Variants in PTPRG observed in about 807,000 individuals in gnomAD.
PTPRG encodes receptor-type tyrosine-protein phosphatase gamma.
In PTPRG, 102 loss-of-function variants were observed where a neutral mutation model predicts 165.3. That is an observed-to-expected ratio of 0.62 (90% CI 0.53 to 0.73). The LOEUF is 0.73. PTPRG is among the 30% of genes least tolerant of loss of function. The probability of loss-of-function intolerance (pLI) is 0.00; values close to 1 mark genes in which losing one functional copy is unlikely to be tolerated. For missense variants in PTPRG, 1,866 were observed against 1,861.4 expected (o/e 1.00, Z -0.05); for synonymous variants, 675 against 669.5 (o/e 1.01, Z -0.13).
chr3:61,719,194 T>C (rs570960808), intron 1 of PTPRG, among the ~76,000 whole-genome samples: 1 of 152,308 alleles, frequency 6.6e-6, no homozygotes, highest in East Asian at 1.9e-4. Flanking sequence ...AGAATGGCAA[T>C]TGGATATGAA....
chr3:62,091,093 G>A (rs1701912112), intron 5 of PTPRG, among the ~76,000 whole-genome samples: 2 of 152,160 alleles, frequency 1.3e-5, no homozygotes, highest in African/African-American at 4.8e-5. Context: ...AACGACTAGG[G>A]TTAAAAAATG....
chr3:61,569,199 C>G (rs913988792), intron 1 of PTPRG, among the ~76,000 whole-genome samples: 2 of 152,130 alleles, frequency 1.3e-5, no homozygotes, highest in Non-Finnish European at 2.9e-5. Flanking sequence ...TATTTGTTTT[C>G]TAAACTAGGT....
At chr3:61,993,424 G>T (rs2040945556) in intron 3 of PTPRG, among the ~76,000 whole-genome samples, 1 of 152,004 alleles carries the variant, frequency 6.6e-6, no homozygotes, top group African/African-American at 2.4e-5. Context: ...GCTCCATGTT[G>T]GTCAGGCTGG....
In PTPRG at chr3:61,789,708, G is replaced by T. The variant is rs1413053959; in HGVS notation, c.190+40726G>T. 4.6e-5 allele frequency among the ~76,000 whole-genome samples: 7 copies of T among 152,286 alleles called. No homozygotes were observed. In the East Asian group the frequency reaches 1.2e-3, roughly 25 times the overall value. On this transcript the variant is annotated intron_variant, in intron 2 of 29. Transcript: ENST00000474889. ...TTAAGTAAGTATTTTATTTGAAAAG[G>T]ATGAAGAGTTCTGAAACCCTAAGTG...
At chr3:61,743,396 G>A (rs886748442) in intron 1 of PTPRG, among the ~76,000 whole-genome samples, 9 of 152,124 alleles carry the variant, frequency 5.9e-5, no homozygotes, top group Admixed American at 3.9e-4. Flanking sequence ...AGATTTTCCT[G>A]TATGATGGGA....
chr3:61,960,004 C>A (rs901737947), intron 2 of PTPRG, among the ~76,000 whole-genome samples: 1 of 152,158 alleles, frequency 6.6e-6, no homozygotes, highest in African/African-American at 2.4e-5. Flanking sequence ...ATGCCCTTCC[C>A]CTCATCCTTA....
At chr3:61,647,700 A>G (rs555820019) in intron 1 of PTPRG, among the ~76,000 whole-genome samples, 35 of 143,644 alleles carry the variant, frequency 2.4e-4, no homozygotes, top group African/African-American at 8.5e-4. Flanking sequence ...GCTGAGGCAG[A>G]AGAATGGTGT....
chr3:62,114,521 C>G (rs1702791345), intron 5 of PTPRG, among the ~76,000 whole-genome samples: 1 of 152,080 alleles, frequency 6.6e-6, no homozygotes, highest in Admixed American at 6.6e-5. Context: ...TATTCTTTCT[C>G]TTTCCTACAT....
chr3:61,994,061 T>C (rs1392482047), intron 3 of PTPRG, among the ~76,000 whole-genome samples: 1 of 152,248 alleles, frequency 6.6e-6, no homozygotes, highest in African/African-American at 2.4e-5. Context: ...TCTCTCTATT[T>C]CTTCCTGAGG....
chr3:61,988,357 T>C (rs954209952), intron 2 of PTPRG, among the ~76,000 whole-genome samples: 1 of 152,168 alleles, frequency 6.6e-6, no homozygotes, highest in Non-Finnish European at 1.5e-5. Context: ...TTATATCTAC[T>C]GTGAGCTGTT....
At chr3:61,836,211 C>G (rs1436187906) in intron 2 of PTPRG, among the ~76,000 whole-genome samples, 1 of 152,106 alleles carries the variant, frequency 6.6e-6, no homozygotes, top group Non-Finnish European at 1.5e-5. Flanking sequence ...TGTCTCTTCT[C>G]TTTCCAAACC....
Position 62,218,880 on chromosome 3 carries a change from C to T in PTPRG, c.2185C>T (p.Arg729Cys), listed in dbSNP as rs770912567. ...AEKNTSGMIS[R>C]PAPGRMEWII... ...AAAAAACACCTCTGGAATGATAAGC[C>T]GCCCTGCTCCAGGGAGGATGGAGTG... The change falls in exon 13 of 30, where the codon CGC (arginine) becomes TGC (cysteine). Residue 729 changes from arginine (R) to cysteine (C), a missense_variant. By Grantham distance (180) the Arg-to-Cys change is radical. Coordinates refer to ENST00000474889, the MANE Select transcript of PTPRG (RefSeq NM_002841.4). The T allele has an allele frequency of 1.1e-5, 18 of 1,613,788 alleles. No individual in the cohort carries two copies. The highest frequency in any genetic ancestry group is 5.3e-5 in the African/African-American group (4 of 74,922).
intron 5 of PTPRG, chr3:62,124,125 AAT>A: frequency 1.7e-6 from 1 of 575,032 alleles, no homozygotes; most frequent in South Asian, 2.4e-5. Flanking sequence ...ATGGTTGAAA[AAT>A]AAGTTCAGCG....
rs1298241243 is a variant in PTPRG, at chr3:62,293,483, G to A, written c.*176G>A. ...CTTAATGGTATCCTACTGAGCATTT[G>A]CACCTCTGTTCATTTCACACAGTGA... On this transcript the variant is annotated 3_prime_UTR_variant, in exon 30 of 30. Coordinates refer to ENST00000474889, the MANE Select transcript of PTPRG (RefSeq NM_002841.4). 1 of 500,396 alleles carries A rather than the reference G, an allele frequency of 2.0e-6. No homozygotes were observed. The highest frequency in any genetic ancestry group is 3.4e-6 in the Non-Finnish European group (1 of 296,052). 31.0% of individuals were successfully genotyped at this position (500,396 alleles called of 1,614,324 possible).
chr3:61,921,424 G>GT (rs2039076471), intron 2 of PTPRG, among the ~76,000 whole-genome samples: 1 of 152,086 alleles, frequency 6.6e-6, no homozygotes, highest in Non-Finnish European at 1.5e-5. Flanking sequence ...GACATTACAG[G>GT]TTAAGCGTCC....
At chr3:61,807,376 C>G (rs1291186594) in intron 2 of PTPRG, among the ~76,000 whole-genome samples, 1 of 152,168 alleles carries the variant, frequency 6.6e-6, no homozygotes, top group Admixed American at 6.5e-5. Context: ...TCCGGTCTGT[C>G]TCTGGGCCAG....
chr3:62,008,272 T>C lies in PTPRG; in HGVS notation c.519+4775T>C, dbSNP rs147298770. On this transcript the variant is annotated intron_variant, in intron 4 of 29. Coordinates refer to ENST00000474889, the MANE Select transcript of PTPRG (RefSeq NM_002841.4). ...AAAACCTTTGAGAACTCCATTAAAG[T>C]GGGGGGTTCATTGCATGCTTGTTGT... Among the ~76,000 whole-genome samples, 132 of 152,250 alleles carry C rather than the reference T, an allele frequency of 8.7e-4. No individual in the cohort carries two copies. In the East Asian group the frequency reaches 0.019, roughly 22 times the overall value.
chr3:62,166,070 C>A (rs1301884559), intron 7 of PTPRG, among the ~76,000 whole-genome samples: 1 of 152,096 alleles, frequency 6.6e-6, no homozygotes, highest in Non-Finnish European at 1.5e-5. Context: ...ATTTCTCCTG[C>A]AGAAAGCACT....
At chr3:61,837,991 C>T (rs527392245) in intron 2 of PTPRG, among the ~76,000 whole-genome samples, 7 of 152,292 alleles carry the variant, frequency 4.6e-5, no homozygotes, top group Admixed American at 1.3e-4. Flanking sequence ...CACTTTTGCC[C>T]ACATTTAACC....
Sources: allele counts gnomAD v4.1 joint callset (sites outside exome capture counted in the v4.1 genomes callset), GRCh38; gene constraint gnomAD v4.1.1; transcripts MANE v1.5; gene names NCBI Gene and HGNC (gene_info 2026-07-23, HGNC 2026-07-21).